Variants in NTM observed in about 807,000 individuals in gnomAD.
The protein encoded by NTM is neurotrimin, also known as IgLON family member 2.
In NTM, 13 loss-of-function variants were observed where a neutral mutation model predicts 42.1. The observed-to-expected ratio is 0.31, with a 90% CI of 0.20 to 0.49. NTM has a LOEUF of 0.49. NTM is among the 20% of genes least tolerant of loss of function. The pLI, the probability that NTM is intolerant of heterozygous loss-of-function variation, is 0.99. For synonymous variants in NTM, 187 were observed against 179.2 expected (o/e 1.04, Z -0.35); for missense variants, 373 against 452.8 (o/e 0.82, Z 1.60).
At chr11:131,899,715 T>C (rs1408234753) in intron 1 of NTM, among the ~76,000 whole-genome samples, 1 of 152,256 alleles carries the variant, frequency 6.6e-6, no homozygotes, top group Non-Finnish European at 1.5e-5. Flanking sequence ...TATTTTTGTC[T>C]GTATAAGTTT....
intron 1 of NTM, among the ~76,000 whole-genome samples, chr11:131,826,770 T>G (rs1269078766): frequency 1.3e-5 from 2 of 152,006 alleles, no homozygotes; most frequent in African/African-American, 4.8e-5. Context: ...TGTAAGAAGA[T>G]GTATACTGGT....
At chr11:131,461,327 G>A (rs552982022) in intron 1 of NTM, among the ~76,000 whole-genome samples, 1 of 152,182 alleles carries the variant, frequency 6.6e-6, no homozygotes. Context: ...TCTCAGAAAA[G>A]CATCTCATGA....
intron 1 of NTM, among the ~76,000 whole-genome samples, chr11:131,474,318 C>G (rs986419456): frequency 6.6e-6 from 1 of 152,114 alleles, no homozygotes; most frequent in East Asian, 1.9e-4. Context: ...CCCAGTTTTC[C>G]TCTTACAGGG....
At chr11:132,107,116 G>A (rs1256328951) in intron 2 of NTM, among the ~76,000 whole-genome samples, 1 of 152,042 alleles carries the variant, frequency 6.6e-6, no homozygotes, top group Non-Finnish European at 1.5e-5. Context: ...CTTGTGGTTA[G>A]AATAGAGACC....
intron 3 of NTM, among the ~76,000 whole-genome samples, chr11:132,165,564 T>G (rs1323792718): frequency 1.3e-5 from 2 of 152,218 alleles, no homozygotes; most frequent in Admixed American, 6.5e-5. Context: ...GAATCTCATT[T>G]AAATCTCCCA....
chr11:131,722,164 A>C (rs533837180), intron 1 of NTM, among the ~76,000 whole-genome samples: 43 of 152,326 alleles, frequency 2.8e-4, no homozygotes, highest in African/African-American at 1.0e-3. Context: ...ATATCATTAT[A>C]ATTACTGTCA....
chr11:131,629,966 G>T (rs973692521), intron 1 of NTM, among the ~76,000 whole-genome samples: 12 of 152,130 alleles, frequency 7.9e-5, no homozygotes, highest in Admixed American at 7.2e-4. Context: ...ACCATCCCTG[G>T]TGTGATGCTT....
chr11:132,199,575 G>C (rs898429329), intron 3 of NTM, among the ~76,000 whole-genome samples: 4 of 152,162 alleles, frequency 2.6e-5, no homozygotes, highest in Admixed American at 2.0e-4. Flanking sequence ...ATAGATAGGG[G>C]AGAAATTCCT....
chr11:131,477,231 A>C (rs1298417912), intron 1 of NTM, among the ~76,000 whole-genome samples: 5 of 152,182 alleles, frequency 3.3e-5, no homozygotes, highest in Non-Finnish European at 5.9e-5. Flanking sequence ...AGTCATAACA[A>C]ATCTCCATCT....
At chr11:132,057,025 G>C (rs2079799109) in intron 2 of NTM, among the ~76,000 whole-genome samples, 1 of 152,132 alleles carries the variant, frequency 6.6e-6, no homozygotes, top group African/African-American at 2.4e-5. Flanking sequence ...TTCCCCCACA[G>C]AAAAATGAAA....
chr11:131,434,875 C>A (rs1948994452), intron 1 of NTM, among the ~76,000 whole-genome samples: 2 of 152,130 alleles, frequency 1.3e-5, no homozygotes, highest in Non-Finnish European at 2.9e-5. Flanking sequence ...ATGCCTATGT[C>A]CTGAATGGTA....
chr11:132,039,848 A>T lies in NTM; in HGVS notation c.168-106434A>T, dbSNP rs1281545304. 3.9e-5 allele frequency among the ~76,000 whole-genome samples: 6 copies of T among 152,266 alleles called. No individual in the cohort carries two copies. In the East Asian group the frequency reaches 1.2e-3, roughly 29 times the overall value. On this transcript the variant is annotated intron_variant, in intron 2 of 8. Coordinates refer to ENST00000683400, the MANE Select transcript of NTM (RefSeq NM_001352005.2). ...GTTTCCGCACCAGTAAATCACCATG[A>T]AATCTACCATATTCACCTCATCGAG...
At chr11:131,910,939 C>T (rs2137939984) in intron 1 of NTM, 2 of 988,518 alleles carry the variant, frequency 2.0e-6, no homozygotes, top group African/African-American at 1.7e-5. Context: ...CTGCGCCTCC[C>T]GCGAGCTCCA....
At chr11:131,528,369 C>G (rs564516608) in intron 1 of NTM, among the ~76,000 whole-genome samples, 1 of 152,210 alleles carries the variant, frequency 6.6e-6, no homozygotes, top group Admixed American at 6.5e-5. Context: ...TGTGCTGTGC[C>G]CTTTACATGT....
intron 2 of NTM, among the ~76,000 whole-genome samples, chr11:132,028,410 T>G (rs2075478763): frequency 2.0e-5 from 3 of 152,206 alleles, no homozygotes. Context: ...TGTAACTGTG[T>G]CAGAGGTTAA....
At chr11:132,186,013 G>C (rs748411659) in intron 3 of NTM, among the ~76,000 whole-genome samples, 1 of 152,194 alleles carries the variant, frequency 6.6e-6, no homozygotes, top group Non-Finnish European at 1.5e-5. Context: ...GGGGGATTAC[G>C]GGAAGAATGA....
At chr11:131,762,050 A>G (rs539277806) in intron 1 of NTM, among the ~76,000 whole-genome samples, 13 of 152,164 alleles carry the variant, frequency 8.5e-5, no homozygotes, top group African/African-American at 3.1e-4. Context: ...TAAGAAAATG[A>G]ATTTTTGTTG....
chr11:131,882,010 T>C (rs2049605950), intron 1 of NTM, among the ~76,000 whole-genome samples: 1 of 152,138 alleles, frequency 6.6e-6, no homozygotes, highest in South Asian at 2.1e-4. Flanking sequence ...ATTTAGAAAA[T>C]AGGGTGAAAT....
At chr11:132,262,095 C>A (rs1007251966) in intron 4 of NTM, among the ~76,000 whole-genome samples, 1 of 152,192 alleles carries the variant, frequency 6.6e-6, no homozygotes, top group Non-Finnish European at 1.5e-5. Context: ...ACAGAATCCA[C>A]GGAACCCTGC....
Sources: allele counts gnomAD v4.1 joint callset (sites outside exome capture counted in the v4.1 genomes callset), GRCh38; gene constraint gnomAD v4.1.1; transcripts MANE v1.5; gene names NCBI Gene and HGNC (gene_info 2026-07-23, HGNC 2026-07-21).